RABGAP1L: variants seen among roughly 807,000 people sequenced by gnomAD.
RABGAP1L encodes rab GTPase-activating protein 1-like.
RABGAP1L carries 63 observed loss-of-function variants against 137.7 expected under a neutral mutation model. That is an observed-to-expected ratio of 0.46 (90% confidence interval 0.37 to 0.56). The LOEUF (loss-of-function observed/expected upper bound fraction) is 0.56, where lower values mean the gene tolerates loss of function less well. Among genes scored for constraint, RABGAP1L ranks in the 20% least tolerant of loss-of-function variants. The pLI is 0.00. For synonymous variants in RABGAP1L, 431 were observed against 433.7 expected (o/e 0.99, Z 0.08); for missense variants, 1,095 against 1,244.0 (o/e 0.88, Z 1.80).
At chr1:174,865,548 A>G (rs1287478859) in intron 19 of RABGAP1L, among the ~76,000 whole-genome samples, 5 of 150,416 alleles carry the variant, frequency 3.3e-5, no homozygotes, top group Non-Finnish European at 5.9e-5. Flanking sequence ...ATTTTGTGTA[A>G]TGATTAATTA....
At chr1:174,405,727 C>T (rs977184021) in intron 13 of RABGAP1L, among the ~76,000 whole-genome samples, 2 of 152,086 alleles carry the variant, frequency 1.3e-5, no homozygotes, top group African/African-American at 4.8e-5. Context: ...CCTATAATCC[C>T]AGCAGTTTGG....
chr1:174,607,756 G>A (rs1244835132), intron 13 of RABGAP1L, among the ~76,000 whole-genome samples: 1 of 152,172 alleles, frequency 6.6e-6, no homozygotes, highest in Non-Finnish European at 1.5e-5. Context: ...TGGATAATTG[G>A]AGCATAACAT....
At chr1:174,674,357 G>A (rs1201361876) in intron 14 of RABGAP1L, among the ~76,000 whole-genome samples, 2 of 149,066 alleles carry the variant, frequency 1.3e-5, no homozygotes, top group Admixed American at 6.7e-5. Context: ...TTGTCCTTGC[G>A]ATAGTTTACT....
chr1:174,172,855 G>A (rs1665527030), intron 1 of RABGAP1L, among the ~76,000 whole-genome samples: 1 of 151,960 alleles, frequency 6.6e-6, no homozygotes, highest in Admixed American at 6.6e-5. Context: ...TTAGTTTGAT[G>A]TAGTCCTACT....
At chr1:174,241,930 C>T (rs1036895757) in intron 5 of RABGAP1L, among the ~76,000 whole-genome samples, 1 of 152,144 alleles carries the variant, frequency 6.6e-6, no homozygotes, top group Non-Finnish European at 1.5e-5. Context: ...ATTGCTTATG[C>T]TCAGAAGGGA....
chr1:174,564,783 T>G (rs1667458629), intron 13 of RABGAP1L, among the ~76,000 whole-genome samples: 1 of 152,130 alleles, frequency 6.6e-6, no homozygotes, highest in Non-Finnish European at 1.5e-5. Flanking sequence ...AGAAAAAAAC[T>G]TATTTAATAT....
At chr1:174,900,798 G>A (rs978004100) in intron 19 of RABGAP1L, among the ~76,000 whole-genome samples, 1 of 152,206 alleles carries the variant, frequency 6.6e-6, no homozygotes, top group Non-Finnish European at 1.5e-5. Context: ...GGGGTTACAG[G>A]TGTGAGCCAC....
intron 13 of RABGAP1L, among the ~76,000 whole-genome samples, chr1:174,517,322 C>T (rs1326355460): frequency 6.6e-6 from 1 of 152,050 alleles, no homozygotes; most frequent in Non-Finnish European, 1.5e-5. Flanking sequence ...ATTTTGAGGA[C>T]ATAATTTGAG....
At chr1:174,665,096 T>C (rs1676683722) in intron 14 of RABGAP1L, among the ~76,000 whole-genome samples, 1 of 152,178 alleles carries the variant, frequency 6.6e-6, no homozygotes, top group East Asian at 1.9e-4. Context: ...TGAATAGTCA[T>C]GAAATGCAGA....
chr1:174,577,210 TACACACACAC>T (rs67709003), intron 13 of RABGAP1L, among the ~76,000 whole-genome samples: 6,365 of 127,008 alleles, frequency 0.05, 262 homozygotes, highest in African/African-American at 0.09. Flanking sequence ...GGGGAAAAAA[TACACACACAC>T]ACACACACAC....
Position 174,272,494 on chromosome 1 carries a change from T to G in RABGAP1L, c.1053+14T>G, listed in dbSNP as rs1558088589. ...TTACTGGATATGGTAATGATAATCTTAAGCACCTTAACCAAGTATAGATGA... is the reference window on the plus strand; with the variant it reads ...TTACTGGATATGGTAATGATAATCTGAAGCACCTTAACCAAGTATAGATGA... On this transcript the variant is annotated intron_variant, in intron 8 of 25. Coordinates refer to ENST00000681986, the MANE Select transcript of RABGAP1L (RefSeq NM_001366446.1). 6.4e-7 allele frequency: 1 copy of G among 1,565,166 alleles called. No homozygotes were observed. Among genetic ancestry groups the G allele is most frequent in the Admixed American group, 2.0e-5 (1 of 49,890 alleles).
chr1:174,384,187 A>G (rs1015796776), intron 12 of RABGAP1L, among the ~76,000 whole-genome samples: 5 of 152,192 alleles, frequency 3.3e-5, no homozygotes, highest in African/African-American at 7.2e-5. Flanking sequence ...ACTTAATACT[A>G]TGTTATTCCA....
intron 19 of RABGAP1L, among the ~76,000 whole-genome samples, chr1:174,953,441 T>C (rs1419514979): frequency 6.6e-6 from 1 of 152,216 alleles, no homozygotes; most frequent in African/African-American, 2.4e-5. Flanking sequence ...TAACACTCCC[T>C]CGCCATTCCC....
intron 19 of RABGAP1L, among the ~76,000 whole-genome samples, chr1:174,941,696 A>G (rs750647494): frequency 8.4e-6 from 1 of 119,136 alleles, no homozygotes; most frequent in Non-Finnish European, 1.9e-5. Context: ...GAAACAAAAC[A>G]AAACAAAACA....
At chr1:174,741,658 G>A (rs994074292) in intron 17 of RABGAP1L, among the ~76,000 whole-genome samples, 3 of 151,858 alleles carry the variant, frequency 2.0e-5, no homozygotes, top group Non-Finnish European at 2.9e-5. Flanking sequence ...CACTGTACCC[G>A]GCCCCCAGTA....
chr1:174,793,934 C>T (rs1187178459), intron 18 of RABGAP1L, among the ~76,000 whole-genome samples: 3 of 152,022 alleles, frequency 2.0e-5, no homozygotes, highest in African/African-American at 4.8e-5. Flanking sequence ...TGACCTCAAG[C>T]GATCCGCCCA....
intron 1 of RABGAP1L, among the ~76,000 whole-genome samples, chr1:174,207,237 G>A (rs1022129114): frequency 2.0e-5 from 3 of 152,106 alleles, no homozygotes; most frequent in Non-Finnish European, 4.4e-5. Context: ...GCATTTTAAA[G>A]CAGTTTTGCA....
intron 22 of RABGAP1L, 89 bp downstream of exon 22, chr1:174,976,271 C>G: frequency 8.9e-7 from 1 of 1,127,490 alleles, no homozygotes; most frequent in South Asian, 1.4e-5. Context: ...TAAATTTCTT[C>G]TAAATCAAAG....
chr1:174,546,115 A>G (rs1338237275), intron 13 of RABGAP1L, among the ~76,000 whole-genome samples: 3 of 152,154 alleles, frequency 2.0e-5, no homozygotes, highest in Non-Finnish European at 2.9e-5. Context: ...TGAATTTGAT[A>G]TTCTGGTAGC....
Sources: allele counts gnomAD v4.1 joint callset (sites outside exome capture counted in the v4.1 genomes callset), GRCh38; gene constraint gnomAD v4.1.1; transcripts MANE v1.5; gene names NCBI Gene and HGNC (gene_info 2026-07-23, HGNC 2026-07-21).